Variants in ADARB2 observed in about 807,000 individuals in gnomAD.
ADARB2 encodes the protein inactive double-stranded RNA-specific editase B2.
A neutral mutation model predicts 62.2 loss-of-function variants in ADARB2; 25 were observed. The ratio of observed to expected loss-of-function variants is 0.40; its 90% CI spans 0.29 to 0.56. The LOEUF is 0.56. Ranked by LOEUF, ADARB2 falls within the 20% of genes least tolerant of loss-of-function variation. ADARB2 has a pLI of 0.43. For missense variants in ADARB2, 1,071 were observed against 1,077.4 expected, an observed-to-expected ratio of 0.99 and a Z score of 0.08; for synonymous variants, 572 against 500.8, an observed-to-expected ratio of 1.14 and a Z score of -1.90.
intron 3 of ADARB2, among the ~76,000 whole-genome samples, chr10:1,302,563 C>A (rs1304029710): frequency 6.6e-6 from 1 of 152,300 alleles, no homozygotes; most frequent in African/African-American, 2.4e-5. Flanking sequence ...GTAGGCTCCA[C>A]CTCTGGGGGC....
At chr10:1,409,953 C>T (rs1214427195) in intron 1 of ADARB2, among the ~76,000 whole-genome samples, 14 of 26,462 alleles carry the variant, frequency 5.3e-4, no homozygotes, top group Admixed American at 1.2e-3. Context: ...TCAGTGGTGC[C>T]GAGGCCTGGC....
intron 1 of ADARB2, among the ~76,000 whole-genome samples, chr10:1,456,848 G>C (rs981857006): frequency 6.6e-6 from 1 of 152,086 alleles, no homozygotes; most frequent in South Asian, 2.1e-4. Context: ...GGGCTGGAGC[G>C]CAATGGCACG....
chr10:1,446,100 T>G (rs540552554), intron 1 of ADARB2, among the ~76,000 whole-genome samples: 1 of 152,212 alleles, frequency 6.6e-6, no homozygotes, highest in Non-Finnish European at 1.5e-5. Context: ...ATTAAGTTAA[T>G]GCTTTGCGTT....
chr10:1,317,522 G>A (rs953724292), intron 3 of ADARB2, among the ~76,000 whole-genome samples: 8 of 152,092 alleles, frequency 5.3e-5, no homozygotes, highest in African/African-American at 1.7e-4. Context: ...TGATGGCTCT[G>A]GGAGAGTCTT....
rs368350552 is a variant in ADARB2, at chr10:1,442,469, T to TG, written c.101-63310dup. ...CTGCTAGAGATGGCCATGCTGTGCT[T>TG]GAAGCCAAACTGAAAAAACAAAAAC... On this transcript the variant is annotated intron_variant, in intron 1 of 9. Coordinates refer to ENST00000381312, the MANE Select transcript of ADARB2 (RefSeq NM_018702.4). Among the ~76,000 whole-genome samples the TG allele has an allele frequency of 2.6e-5, 4 of 152,328 alleles. 1 individual carries two copies. The highest frequency in any genetic ancestry group is 9.6e-5 in the African/African-American group (4 of 41,570).
chr10:1,281,867 A>G (rs1831374181), intron 3 of ADARB2, among the ~76,000 whole-genome samples: 1 of 152,246 alleles, frequency 6.6e-6, no homozygotes, highest in Non-Finnish European at 1.5e-5. Context: ...TATATGAAGC[A>G]TATTTTTCAA....
intron 1 of ADARB2, among the ~76,000 whole-genome samples, chr10:1,600,845 A>G (rs1202346253): frequency 6.6e-6 from 1 of 152,132 alleles, no homozygotes; most frequent in Non-Finnish European, 1.5e-5. Flanking sequence ...CCCCTGTTCC[A>G]TGGTGATGCT....
chr10:1,256,605 A>G (rs146709417), intron 4 of ADARB2, among the ~76,000 whole-genome samples: 17 of 152,358 alleles, frequency 1.1e-4, no homozygotes, highest in African/African-American at 3.8e-4. Context: ...TACCACATAT[A>G]TCAAAAGATG....
chr10:1,707,150 A>G (rs1834899706), intron 1 of ADARB2, among the ~76,000 whole-genome samples: 1 of 152,264 alleles, frequency 6.6e-6, no homozygotes, highest in Non-Finnish European at 1.5e-5. Flanking sequence ...ATTCCTTTAC[A>G]GGTGCTTCCT....
intron 1 of ADARB2, among the ~76,000 whole-genome samples, chr10:1,660,915 T>C (rs1834237861): frequency 6.6e-6 from 1 of 152,150 alleles, no homozygotes; most frequent in African/African-American, 2.4e-5. Flanking sequence ...AACATCAGCC[T>C]AATGGCTAAT....
intron 1 of ADARB2, among the ~76,000 whole-genome samples, chr10:1,633,552 C>CTATCTATCTATCTATCTATCTATCTA (rs1833870810): frequency 2.2e-3 from 129 of 59,222 alleles, no homozygotes; most frequent in South Asian, 3.9e-3. Context: ...TATCTATCAT[C>CTATCTATCTATCTATCTATCTATCTA]TATCTATCTA....
intron 4 of ADARB2, among the ~76,000 whole-genome samples, chr10:1,266,908 T>G (rs573734286): frequency 6.6e-6 from 1 of 152,050 alleles, no homozygotes; most frequent in African/African-American, 2.4e-5. Context: ...GGAAAGGCAG[T>G]TTATGAGCTG....
chr10:1,589,167 C>G (rs145025690), intron 1 of ADARB2, among the ~76,000 whole-genome samples: 1 of 152,238 alleles, frequency 6.6e-6, no homozygotes, highest in Non-Finnish European at 1.5e-5. Context: ...CGGAAAGACC[C>G]TGGTTCTGAA....
At chr10:1,510,172 T>C (rs2813443) in intron 1 of ADARB2, among the ~76,000 whole-genome samples, 74 of 132,726 alleles carry the variant, frequency 5.6e-4, no homozygotes, top group Middle Eastern at 3.9e-3. Flanking sequence ...TTCTTTCTTT[T>C]TCTTTCTTTC....
chr10:1,630,471 T>C (rs1833828819), intron 1 of ADARB2, among the ~76,000 whole-genome samples: 1 of 152,000 alleles, frequency 6.6e-6, no homozygotes, highest in South Asian at 2.1e-4. Context: ...TACAGTAAAC[T>C]CTCTATCAGA....
intron 1 of ADARB2, among the ~76,000 whole-genome samples, chr10:1,574,747 C>T (rs1167807253): frequency 5.1e-5 from 4 of 77,958 alleles, no homozygotes; most frequent in Non-Finnish European, 1.2e-4. Flanking sequence ...TCTGTAAAGA[C>T]CCCACCTCCA....
intron 6 of ADARB2, among the ~76,000 whole-genome samples, chr10:1,232,554 GTGTA>G (rs1342635789): frequency 2.0e-5 from 3 of 150,472 alleles, no homozygotes; most frequent in African/African-American, 7.3e-5. Flanking sequence ...TGTGTGTGTG[GTGTA>G]TGTGCTATGT....
chr10:1,190,827 C>T (rs1337831170), intron 8 of ADARB2, among the ~76,000 whole-genome samples: 1 of 152,210 alleles, frequency 6.6e-6, no homozygotes, highest in Non-Finnish European at 1.5e-5. Context: ...CTGCAAAGAC[C>T]CCTTTTTTCA....
intron 3 of ADARB2, among the ~76,000 whole-genome samples, chr10:1,305,671 G>A (rs1298746944): frequency 6.7e-5 from 10 of 150,362 alleles, no homozygotes; most frequent in African/African-American, 1.2e-4. Context: ...CTGGCAAACC[G>A]AATCCAGCAG....
Sources: allele counts gnomAD v4.1 joint callset (sites outside exome capture counted in the v4.1 genomes callset), GRCh38; gene constraint gnomAD v4.1.1; transcripts MANE v1.5; gene names NCBI Gene and HGNC (gene_info 2026-07-23, HGNC 2026-07-21).